Variants in NUTF2 observed in about 807,000 individuals in gnomAD.
The protein encoded by NUTF2 is nuclear transport factor 2.
NUTF2 carries 3 observed loss-of-function variants against 18.5 expected under a neutral mutation model. The observed-to-expected ratio is 0.16, with a 90% CI of 0.07 to 0.42. The LOEUF (loss-of-function observed/expected upper bound fraction) is 0.42. NUTF2 is among the 10% of genes least tolerant of loss of function. The pLI is 0.99. For synonymous variants in NUTF2, 51 were observed against 57.9 expected, an observed-to-expected ratio of 0.88 and a Z score of 0.54; for missense variants, 44 against 160.7, an observed-to-expected ratio of 0.27 and a Z score of 3.93.
chr16:67,858,156 C>G (rs1385668734), intron 1 of NUTF2, among the ~76,000 whole-genome samples: 1 of 152,124 alleles, frequency 6.6e-6, no homozygotes, highest in Non-Finnish European at 1.5e-5. Flanking sequence ...GGTAATCAGA[C>G]AGCTACTTTA....
chr16:67,859,349 A>AT (rs35560481), intron 1 of NUTF2, among the ~76,000 whole-genome samples: 113,461 of 131,916 alleles, frequency 0.86, 49,820 homozygotes, highest in East Asian at 0.99. Context: ...CCAGCTGATG[A>AT]TTTTTTTTTT....
chr16:67,863,854 C>T (rs2057950600), intron 1 of NUTF2, among the ~76,000 whole-genome samples: 1 of 152,238 alleles, frequency 6.6e-6, no homozygotes, highest in South Asian at 2.1e-4. Context: ...CCTAGCAAAG[C>T]CCAAGCGGCT....
intron 1 of NUTF2, among the ~76,000 whole-genome samples, chr16:67,861,155 C>G (rs146631863): frequency 6.6e-6 from 1 of 152,216 alleles, no homozygotes; most frequent in African/African-American, 2.4e-5. Flanking sequence ...AATTCCACCA[C>G]CTATCAGCTG....
At chr16:67,855,888 G>C (rs1378330925) in intron 1 of NUTF2, 21 of 184,432 alleles carry the variant, frequency 1.1e-4, no homozygotes, top group East Asian at 7.6e-4. Context: ...TTTTTTTGGC[G>C]GGGGGGGGGG....
chr16:67,858,479 C>T (rs1454007955), intron 1 of NUTF2, among the ~76,000 whole-genome samples: 1 of 152,122 alleles, frequency 6.6e-6, no homozygotes, highest in Non-Finnish European at 1.5e-5. Flanking sequence ...TAGACAGCAA[C>T]TTTAGACTAA....
chr16:67,860,056 T>A (rs2151297851), intron 1 of NUTF2, among the ~76,000 whole-genome samples: 1 of 151,966 alleles, frequency 6.6e-6, no homozygotes. Flanking sequence ...CTCCACTCAC[T>A]GCAAGCTCCG....
intron 1 of NUTF2, among the ~76,000 whole-genome samples, chr16:67,855,278 G>T (rs1368825475): frequency 6.6e-6 from 1 of 152,160 alleles, no homozygotes; most frequent in African/African-American, 2.4e-5. Flanking sequence ...TGGGCAGAAT[G>T]CTTTGCTTGG....
At chr16:67,860,177 C>T (rs2057926027) in intron 1 of NUTF2, among the ~76,000 whole-genome samples, 1 of 152,086 alleles carries the variant, frequency 6.6e-6, no homozygotes, top group South Asian at 2.1e-4. Flanking sequence ...GACGGGGTTT[C>T]ACCATGTTAG....
intron 1 of NUTF2, among the ~76,000 whole-genome samples, chr16:67,850,205 C>CTTTTTTT (rs768001106): frequency 6.7e-6 from 1 of 149,730 alleles, no homozygotes; most frequent in Non-Finnish European, 1.5e-5. Flanking sequence ...TTCCCTGTAA[C>CTTTTTTT]TTCTTTTTTT....
At chr16:67,869,516 T>C (rs2057997179) in intron 4 of NUTF2, among the ~76,000 whole-genome samples, 1 of 151,180 alleles carries the variant, frequency 6.6e-6, no homozygotes, top group Non-Finnish European at 1.5e-5. Context: ...CTGGGCGCGG[T>C]GGCTCACGCC....
At chr16:67,849,465 C>T (rs2057835842) in intron 1 of NUTF2, among the ~76,000 whole-genome samples, 1 of 151,516 alleles carries the variant, frequency 6.6e-6, no homozygotes, top group Non-Finnish European at 1.5e-5. Flanking sequence ...CCTCAGCCTC[C>T]CTGGTAGCTG....
intron 1 of NUTF2, among the ~76,000 whole-genome samples, chr16:67,849,017 G>A (rs1254447685): frequency 1.3e-5 from 2 of 152,226 alleles, no homozygotes; most frequent in African/African-American, 4.8e-5. Context: ...TGGTCAGGAA[G>A]AATAGGCAAG....
At chr16:67,856,181 C>T (rs752206064) in intron 1 of NUTF2, 7 of 327,182 alleles carry the variant, frequency 2.1e-5, no homozygotes, top group Non-Finnish European at 4.0e-5. Flanking sequence ...GTTTGCATCT[C>T]GGCCAGTTTT....
chr16:67,869,687 C>T (rs1042873785), intron 4 of NUTF2, among the ~76,000 whole-genome samples: 9 of 151,978 alleles, frequency 5.9e-5, no homozygotes, highest in Non-Finnish European at 7.4e-5. Flanking sequence ...CGGGAGGCTG[C>T]GGCAGGAGAA....
chr16:67,864,588 C>T (rs1196291226), intron 1 of NUTF2, among the ~76,000 whole-genome samples: 3 of 151,388 alleles, frequency 2.0e-5, no homozygotes, highest in Non-Finnish European at 4.4e-5. Context: ...CATCTGTCAG[C>T]GTAGCCCTGG....
At chr16:67,859,589 C>T (rs2057920889) in intron 1 of NUTF2, among the ~76,000 whole-genome samples, 1 of 151,904 alleles carries the variant, frequency 6.6e-6, no homozygotes, top group Non-Finnish European at 1.5e-5. Flanking sequence ...AACTCTCGAC[C>T]TCAGGTGATC....
At chr16:67,855,890 G>C (rs111315946) in intron 1 of NUTF2, 44,559 of 396,916 alleles carry the variant, frequency 0.11, 4,951 homozygotes, top group African/African-American at 0.21. Flanking sequence ...TTTTTGGCGG[G>C]GGGGGGGGAT....
intron 1 of NUTF2, among the ~76,000 whole-genome samples, chr16:67,854,474 G>A (rs1225846473): frequency 6.6e-6 from 1 of 152,226 alleles, no homozygotes; most frequent in Admixed American, 6.5e-5. Context: ...GATGGCCCTT[G>A]CCTGGGGGCT....
chr16:67,850,031 A>T (rs1276909298), intron 1 of NUTF2, among the ~76,000 whole-genome samples: 7 of 151,804 alleles, frequency 4.6e-5, no homozygotes, highest in East Asian at 1.9e-4. Flanking sequence ...AGTTCAAGCG[A>T]TACTCCCACC....
Sources: gnomAD v4.1 joint callset for allele counts (sites outside exome capture counted in the v4.1 genomes callset) on GRCh38, gnomAD v4.1.1 for gene constraint, MANE v1.5 for transcripts, NCBI Gene and HGNC (gene_info 2026-07-23, HGNC 2026-07-21) for gene names.